TADA3: variants seen among roughly 807,000 people sequenced by gnomAD.
TADA3 encodes transcriptional adapter 3.
In TADA3, 25 loss-of-function variants were observed where a neutral mutation model predicts 43.2. The observed-to-expected ratio is 0.58, with a 90% CI of 0.42 to 0.81. The LOEUF (loss-of-function observed/expected upper bound fraction) is 0.81. Ranked by LOEUF, TADA3 falls within the 30% of genes least tolerant of loss-of-function variation. TADA3 has a pLI of 0.00. For synonymous variants in TADA3, 235 were observed against 225.5 expected (o/e 1.04, Z -0.38); for missense variants, 441 against 567.8 (o/e 0.78, Z 2.27).
At chr3:9,781,943 A>G (rs1489246734) in intron 8 of TADA3, among the ~76,000 whole-genome samples, 1 of 148,570 alleles carries the variant, frequency 6.7e-6, no homozygotes, top group African/African-American at 2.5e-5. Context: ...GGATCAAGCA[A>G]TCCTCCCACA....
chr3:9,784,923 C>G (rs1348050887), intron 7 of TADA3, among the ~76,000 whole-genome samples: 1 of 151,696 alleles, frequency 6.6e-6, no homozygotes, highest in Non-Finnish European at 1.5e-5. Context: ...TAGTATTATA[C>G]CATCCATACT....
upstream of TADA3, chr3:9,792,778 C>G: frequency 7.9e-7 from 1 of 1,259,876 alleles, no homozygotes; most frequent in Non-Finnish European, 1.0e-6. Context: ...TCGGCTTGTC[C>G]TAATTTGGTG....
chr3:9,789,999 G>A, intron 2 of TADA3, 36 bp from the exon 3 acceptor site: 1 of 1,546,660 alleles, frequency 6.5e-7, no homozygotes, highest in Non-Finnish European at 8.7e-7. Flanking sequence ...AGGGGGAGAA[G>A]GGAAAACACA....
At chr3:9,788,825 G>A (rs1317084814) in intron 4 of TADA3, among the ~76,000 whole-genome samples, 1 of 151,004 alleles carries the variant, frequency 6.6e-6, no homozygotes, top group Non-Finnish European at 1.5e-5. Context: ...CAGGCGTGAG[G>A]TGACTTTTAT....
chr3:9,787,393 C>T (rs1559719382), intron 4 of TADA3, 53 bp from the exon 5 acceptor site: 1 of 1,547,100 alleles, frequency 6.5e-7, no homozygotes, highest in Non-Finnish European at 8.7e-7. Context: ...GCCAGCCATG[C>T]TTCATTCATT....
upstream of TADA3, chr3:9,792,768 T>C: frequency 8.0e-7 from 1 of 1,246,812 alleles, no homozygotes; most frequent in Admixed American, 4.1e-5. Context: ...CTCGTCCGCT[T>C]CGGCTTGTCC....
Position 9,787,210 on chromosome 3 carries a change from A to C in TADA3, c.695T>G (p.Leu232Arg). The change falls in exon 5 of 9, where the codon CTG becomes CGG. Residue 232 changes from leucine (L) to arginine (R), a missense_variant. Coordinates refer to ENST00000301964, the MANE Select transcript of TADA3 (RefSeq NM_006354.5). ...GGTGAGAGGCCTACCTTTAGTGTCC[A>C]GTTCGGTCAGTGGCCCCATGAGGCC... is the stretch of plus-strand genomic sequence containing the variant. The part of the protein sequence containing the change: ...KKGLMGPLTE[L>R]DTKDVDALLK... 1 of 1,614,190 alleles carries C rather than the reference A, an allele frequency of 6.2e-7. No individual in the cohort carries two copies. Among genetic ancestry groups the C allele is most frequent in the South Asian group, 1.1e-5 (1 of 91,088 alleles).
intron 4 of TADA3, among the ~76,000 whole-genome samples, chr3:9,788,931 G>A (rs1011473593): frequency 6.6e-6 from 1 of 151,626 alleles, no homozygotes; most frequent in African/African-American, 2.4e-5. Flanking sequence ...CACCTCCCGG[G>A]TCCAAGAGAT....
In TADA3 at chr3:9,780,544, G is replaced by T; in HGVS notation, c.1112C>A (p.Ala371Glu). The change falls in exon 9 of 9, where the codon GCA (alanine) becomes GAA (glutamate). Residue 371 changes from alanine to glutamate, a missense_variant. Coordinates refer to ENST00000301964, the MANE Select transcript of TADA3 (RefSeq NM_006354.5). ...RTKKHDLLRL[A>E]KEEVSRQELR... ...CTCCTGCCGGCTCACCTCCTCCTTT[G>T]CCAGCCTGTGGGGACCAGCCAGCCA... is the stretch of plus-strand genomic sequence containing the variant. 1 of 1,601,084 alleles carries T rather than the reference G, an allele frequency of 6.2e-7. No individual in the cohort carries two copies. Among genetic ancestry groups the T allele is most frequent in the Non-Finnish European group, 8.5e-7 (1 of 1,179,368 alleles).
chr3:9,787,502 A>G, intron 4 of TADA3, 162 bp from the exon 5 acceptor site: 3 of 1,095,328 alleles, frequency 2.7e-6, no homozygotes, highest in Non-Finnish European at 3.8e-6. Context: ...TAAAACCTGT[A>G]CTTCACACTC....
intron 6 of TADA3, among the ~76,000 whole-genome samples, 193 bp downstream of exon 6, chr3:9,786,813 G>A (rs920359006): frequency 2.0e-5 from 3 of 152,132 alleles, no homozygotes; most frequent in African/African-American, 7.2e-5. Context: ...TATGATCTGT[G>A]CACTTTTCTA....
Position 9,784,117 on chromosome 3 carries a change from C to G in TADA3, c.1017G>C (p.Glu339Asp). 1 of 1,614,194 alleles carries G rather than the reference C, an allele frequency of 6.2e-7. No homozygotes were observed. Residue 339 changes from glutamate to aspartate, a missense_variant, in exon 8 of 9, where the codon GAG (glutamate) becomes GAC (aspartate). Coordinates refer to ENST00000301964, the MANE Select transcript of TADA3 (RefSeq NM_006354.5). ...ESEDRPAEDS[E>D]DEVLAELRKR... The stretch of plus-strand genomic sequence containing the variant: ...TGCGAAGCTCAGCAAGGACCTCATC[C>G]TCGGAGTCCTCTGCGGGGCGGTCCT...
chr3:9,783,843 G>T, intron 8 of TADA3, 185 bp downstream of exon 8: 1 of 1,094,496 alleles, frequency 9.1e-7, no homozygotes, highest in Non-Finnish European at 1.2e-6. Flanking sequence ...GCCCCACTCT[G>T]TGGAATCAGA....
chr3:9,783,785 A>C, intron 8 of TADA3: 1 of 672,198 alleles, frequency 1.5e-6, no homozygotes, highest in Non-Finnish European at 2.2e-6. Context: ...CTCAAAAAAA[A>C]ACAAAACAAA....
chr3:9,785,573 C>G (rs915464326), intron 6 of TADA3, 148 bp from the exon 7 acceptor site: 1 of 583,188 alleles, frequency 1.7e-6, no homozygotes, highest in Non-Finnish European at 3.1e-6. Flanking sequence ...CATACCAATC[C>G]CAAATTGCTT....
chr3:9,789,812 C>T lies in TADA3; in HGVS notation c.359G>A (p.Arg120Gln). ...GGGCTGAAGGTTTTTGGATTTGGGC[C>T]GTCCTGGGCCAGGGCCCGGCCCATG... The part of the protein sequence containing the change: ...AGHGPGPGPG[R>Q]PKSKNLQPKI... Residue 120 changes from arginine to glutamine, a missense_variant, in exon 3 of 9, where the codon CGG becomes CAG. By Grantham distance (43) the Arg-to-Gln change is conservative. Transcript: ENST00000301964. 1.2e-6 allele frequency: 2 copies of T among 1,614,208 alleles called. No individual in the cohort carries two copies. Among genetic ancestry groups the T allele is most frequent in the Non-Finnish European group, 1.7e-6 (2 of 1,180,036 alleles).
intron 4 of TADA3, chr3:9,787,660 C>G (rs2078647491): frequency 7.2e-7 from 1 of 1,381,296 alleles, no homozygotes; most frequent in African/African-American, 1.4e-5. Context: ...GCCTTCAGGT[C>G]ACGGGTGACA....
Position 9,787,194 on chromosome 3 carries a change from C to T in TADA3, c.706+5G>A. 1.2e-6 allele frequency: 2 copies of T among 1,614,196 alleles called. No individual in the cohort carries two copies. Among genetic ancestry groups the T allele is most frequent in the Non-Finnish European group, 1.7e-6 (2 of 1,180,042 alleles). On this transcript the variant is annotated splice_donor_5th_base_variant and intron_variant, in intron 5 of 8. Coordinates refer to ENST00000301964, the MANE Select transcript of TADA3 (RefSeq NM_006354.5). ...CTGGGGTTGGCAGGGAGGTGAGAGG[C>T]CTACCTTTAGTGTCCAGTTCGGTCA... is the stretch of plus-strand genomic sequence containing the variant.
At chr3:9,787,592 C>A in intron 4 of TADA3, 3 of 1,066,650 alleles carry the variant, frequency 2.8e-6, no homozygotes, top group Non-Finnish European at 3.9e-6. Context: ...ATAGAAGGTG[C>A]AGAATACGTA....
Sources: allele counts gnomAD v4.1 joint callset (sites outside exome capture counted in the v4.1 genomes callset), GRCh38; gene constraint gnomAD v4.1.1; transcripts MANE v1.5; gene names NCBI Gene and HGNC (gene_info 2026-07-23, HGNC 2026-07-21).